The following MARF1 variants were observed in gnomAD, a reference collection of about 807,000 sequenced individuals.
MARF1 encodes the protein meiosis regulator and mRNA stability factor 1.
MARF1 carries 24 observed loss-of-function variants against 168.2 expected under a neutral mutation model. The ratio of observed to expected loss-of-function variants is 0.14; its 90% CI spans 0.10 to 0.20. The LOEUF is 0.20. MARF1 is among the 10% of genes least tolerant of loss of function. The pLI is 1.00. For synonymous variants in MARF1, 868 were observed against 822.4 expected (o/e 1.06, Z -0.95); for missense variants, 1,744 against 2,143.6 (o/e 0.81, Z 3.68).
At position 15,625,091 on chromosome 16, in the gene MARF1, T is replaced by C; in HGVS notation, c.2036A>G (p.His679Arg). The stretch of plus-strand genomic sequence containing the variant: ...CGACACTGCAGCACTTGAGTTACCG[T>C]GAGTGGGTACGACCAGCCTCAGGTG... ...QGHLRLVVPT[H>R]GNSSAAVSTP... Residue 679 changes from histidine (H) to arginine (R), a missense_variant, in exon 9 of 27, where the codon CAC becomes CGC. His to Arg is a conservative substitution (Grantham distance 29). Coordinates refer to ENST00000396368, the MANE Select transcript of MARF1 (RefSeq NM_014647.4). 3.7e-6 allele frequency: 6 copies of C among 1,614,184 alleles called. No homozygotes were observed. Among genetic ancestry groups the C allele is most frequent in the Non-Finnish European group, 5.1e-6 (6 of 1,180,024 alleles).
chr16:15,600,560 G>A lies in MARF1; in HGVS notation c.4688-7C>T, dbSNP rs933422948. 6 of 1,614,066 alleles carry A rather than the reference G, an allele frequency of 3.7e-6. No homozygotes were observed. The highest frequency in any genetic ancestry group is 1.6e-4 in the Middle Eastern group (1 of 6,084). On this transcript the variant is annotated splice_polypyrimidine_tract_variant and splice_region_variant and intron_variant, in intron 24 of 26. Transcript: ENST00000396368. ...CTGAGTGAACTCAAACGACCTACAG[G>A]ACAAAGAGCACCCGTCAGAGAGAAA...
At chr16:15,609,457 G>T in intron 20 of MARF1, 66 bp downstream of exon 20, 1 of 1,351,684 alleles carries the variant, frequency 7.4e-7, no homozygotes, top group Non-Finnish European at 1.0e-6. Context: ...GGTCTGGAAC[G>T]TGAAAAAGTA....
intron 1 of MARF1, among the ~76,000 whole-genome samples, chr16:15,639,786 A>T (rs944273533): frequency 6.6e-6 from 1 of 152,252 alleles, no homozygotes; most frequent in African/African-American, 2.4e-5. Flanking sequence ...TTACGGGTTA[A>T]TAAAATTTGG....
rs2033557824 is a variant in MARF1 at position 15,611,490 on chromosome 16, A to G, written c.3617+102T>C. ...ACAAAAAACTACTACAAGTTTTCCA[A>G]AAGAATGCTTAATAGAAATACTAGA... On this transcript the variant is annotated intron_variant, in intron 18 of 26. Coordinates refer to ENST00000396368, the MANE Select transcript of MARF1 (RefSeq NM_014647.4). The G allele has an allele frequency of 4.5e-6, 5 of 1,116,326 alleles. No individual in the cohort carries two copies. In the Admixed American group the frequency reaches 1.2e-4, roughly 26 times the overall value. The allele number at this position is 1,116,326 out of a possible 1,614,324, so 69.2% of individuals were successfully genotyped here.
Position 15,636,084 on chromosome 16 carries a change from G to C in MARF1, c.403C>G (p.Leu135Val). The C allele has an allele frequency of 6.2e-7, 1 of 1,614,204 alleles. No individual in the cohort carries two copies. The highest frequency in any genetic ancestry group is 8.5e-7 in the Non-Finnish European group (1 of 1,180,036). The change falls in exon 3 of 27, where the codon CTG becomes GTG. Residue 135 changes from leucine (L) to valine (V), a missense_variant. Coordinates refer to ENST00000396368, the MANE Select transcript of MARF1 (RefSeq NM_014647.4). ...GTCCTGGTGCTTTGCGAGTCTAACA[G>C]TGCGCCCGGGTGAATCAAGCTACTG... ...GTSSLIHPGA[L>V]LDSQSTRTIT... is the part of the protein sequence containing the mutation.
At chr16:15,608,727 G>A in intron 20 of MARF1, 2 of 565,718 alleles carry the variant, frequency 3.5e-6, no homozygotes, top group Non-Finnish European at 6.3e-6. Flanking sequence ...GAGATATAAA[G>A]ATAGTTACGA....
Position 15,634,093 on chromosome 16 carries a change from A to G in MARF1, c.1007-250T>C, listed in dbSNP as rs1177642500. On this transcript the variant is annotated intron_variant, in intron 4 of 26. Transcript: ENST00000396368. ...AAAGTCAAGTAACTTTAAGCCCACA[A>G]TAAATCCACCTCCAAGCATGAGCCA... 2.0e-5 allele frequency among the ~76,000 whole-genome samples: 3 copies of G among 152,144 alleles called. No individual in the cohort carries two copies. The East Asian group carries it at 5.8e-4, about 29-fold the overall frequency.
At chr16:15,599,399 G>A (rs554040956) in intron 25 of MARF1, among the ~76,000 whole-genome samples, 7 of 152,250 alleles carry the variant, frequency 4.6e-5, no homozygotes, top group East Asian at 1.9e-4. Context: ...GCCTGGTTCC[G>A]TGGCTTCCTA....
chr16:15,634,653 C>T, intron 4 of MARF1, 104 bp downstream of exon 4: 1 of 1,139,544 alleles, frequency 8.8e-7, no homozygotes, highest in Middle Eastern at 2.1e-4. Context: ...TACACAGTAG[C>T]TTTAGAACCA....
intron 16 of MARF1, among the ~76,000 whole-genome samples, chr16:15,614,476 C>A (rs1319868886): frequency 9.5e-6 from 1 of 104,942 alleles, no homozygotes; most frequent in African/African-American, 3.9e-5. Context: ...AGGGTGACTC[C>A]GTCTCAAAAA....
rs759166999 is a variant in MARF1, at chr16:15,611,620, C to T, written c.3589G>A (p.Val1197Met). The change falls in exon 18 of 27, where the codon GTG (valine) becomes ATG (methionine). Residue 1197 changes from valine to methionine, a missense_variant. This residue lies in a region of MARF1 where 543 missense variants were observed against 742.1 expected (regional missense o/e 0.73). Transcript: ENST00000396368. ...TGATAAGCCTGTGAGAATTCTCTCA[C>T]AATGACCTGTTTGCTGGCCTGGGAT... Reference protein sequence around the residue: ...LKSQASKQVIVREFSQAYHWC... With the variant: ...LKSQASKQVIMREFSQAYHWC... 1 of 1,614,074 alleles carries T rather than the reference C, an allele frequency of 6.2e-7. No individual in the cohort carries two copies. The highest frequency in any genetic ancestry group is 8.5e-7 in the Non-Finnish European group (1 of 1,180,000).
chr16:15,629,684 G>C (rs985243596), intron 7 of MARF1, among the ~76,000 whole-genome samples: 1 of 152,078 alleles, frequency 6.6e-6, no homozygotes, highest in African/African-American at 2.4e-5. Context: ...ATTCGCCAGC[G>C]GCTTAAACAC....
chr16:15,612,784 G>A lies in MARF1; in HGVS notation c.3254-7C>T, dbSNP rs1243996503. 6 of 1,610,326 alleles carry A rather than the reference G, an allele frequency of 3.7e-6. No homozygotes were observed. Among genetic ancestry groups the A allele is most frequent in the African/African-American group, 1.3e-5 (1 of 74,840 alleles). On this transcript the variant is annotated splice_polypyrimidine_tract_variant and splice_region_variant and intron_variant, in intron 16 of 26. Transcript: ENST00000396368. ...GAACGCAGAAGCCAAGGGTCTAGAA[G>A]AAAAAGAACGTGTATAAGACAGAAA...
chr16:15,602,500 G>A lies in MARF1; in HGVS notation c.4414-297C>T, dbSNP rs1054558690. 37 of 540,276 alleles carry A rather than the reference G, an allele frequency of 6.8e-5. No individual in the cohort carries two copies. In the East Asian group the frequency reaches 1.0e-3, roughly 15 times the overall value. 33.5% of individuals were successfully genotyped at this position (540,276 alleles called of 1,614,324 possible). A position where few individuals can be genotyped will look rare whatever the true frequency, so the allele number is the denominator to read the frequency against. ...AAGAACAAGAAGACGAAGACAAGACGAAGACGACGATGAAGAAGACGAAGA... is the reference window on the plus strand; with the variant it reads ...AAGAACAAGAAGACGAAGACAAGACAAAGACGACGATGAAGAAGACGAAGA... On this transcript the variant is annotated intron_variant, in intron 22 of 26. Coordinates refer to ENST00000396368, the MANE Select transcript of MARF1 (RefSeq NM_014647.4).
In MARF1 at chr16:15,600,303, G is replaced by A. The variant is rs538793816; in HGVS notation, c.4813+125C>T. ...AAATACCAAAACTGCTTTGAAAAATGTGTGGCTATGTAACTTCAGCAGATT... is the reference window on the plus strand; with the variant it reads ...AAATACCAAAACTGCTTTGAAAAATATGTGGCTATGTAACTTCAGCAGATT... On this transcript the variant is annotated intron_variant, in intron 25 of 26. Coordinates refer to ENST00000396368, the MANE Select transcript of MARF1 (RefSeq NM_014647.4). 4.0e-6 allele frequency: 5 copies of A among 1,258,056 alleles called. No homozygotes were observed. The East Asian group carries it at 9.3e-5, about 23-fold the overall frequency. The allele number at this position is 1,258,056 out of a possible 1,614,324, so 77.9% of individuals were successfully genotyped here. A position where few individuals can be genotyped will look rare whatever the true frequency, so the allele number is the denominator to read the frequency against.
intron 20 of MARF1, 50 bp from the exon 21 acceptor site, chr16:15,608,568 G>A (rs2033231825): frequency 7.2e-7 from 1 of 1,389,586 alleles, no homozygotes; most frequent in Non-Finnish European, 1.0e-6. Context: ...AATCACGGGT[G>A]TTTACAGAAT....
chr16:15,619,850 TA>T (rs2034321603), intron 13 of MARF1, among the ~76,000 whole-genome samples: 1 of 152,100 alleles, frequency 6.6e-6, no homozygotes, highest in South Asian at 2.1e-4. Context: ...GTCTAGTGCT[TA>T]AAAATGTTCA....
chr16:15,613,327 A>G (rs1184592723), intron 16 of MARF1, among the ~76,000 whole-genome samples: 1 of 152,170 alleles, frequency 6.6e-6, no homozygotes, highest in Non-Finnish European at 1.5e-5. Flanking sequence ...AAAAAGGTAT[A>G]AGTAATCAAA....
In MARF1 at chr16:15,596,626, G is replaced by A; in HGVS notation, c.*67C>T. ...ATGACACAGAAAAGGATGTATTTTT[G>A]AAACCCACTTTTGTGTGCAGAATCA... On this transcript the variant is annotated 3_prime_UTR_variant, in exon 27 of 27. Coordinates refer to ENST00000396368, the MANE Select transcript of MARF1 (RefSeq NM_014647.4). The A allele has an allele frequency of 6.9e-7, 1 of 1,451,398 alleles. No homozygotes were observed. The highest frequency in any genetic ancestry group is 1.4e-5 in the African/African-American group (1 of 70,450). The allele number at this position is 1,451,398 out of a possible 1,614,324, so 89.9% of individuals were successfully genotyped here.
Sources: gnomAD v4.1 joint callset for allele counts (sites outside exome capture counted in the v4.1 genomes callset) on GRCh38, gnomAD v4.1.1 for gene constraint, gnomAD v4.1.1 regional missense constraint, MANE v1.5 for transcripts, NCBI Gene and HGNC (gene_info 2026-07-23, HGNC 2026-07-21) for gene names.